The following FGF2 variants were observed in gnomAD, a reference collection of about 807,000 sequenced individuals.
The protein encoded by FGF2 is fibroblast growth factor 2, also known as basic fibroblast growth factor bFGF.
A neutral mutation model predicts 15.9 loss-of-function variants in FGF2; 13 were observed. The ratio of observed to expected loss-of-function variants is 0.82; its 90% CI spans 0.53 to 1.30. The LOEUF (loss-of-function observed/expected upper bound fraction) is 1.30. Among genes scored for constraint, FGF2 ranks in the 50% most tolerant of loss-of-function variants. The pLI is 0.00. For synonymous variants in FGF2, 90 were observed against 78.4 expected, an observed-to-expected ratio of 1.15 and a Z score of -0.78; for missense variants, 163 against 196.9, an observed-to-expected ratio of 0.83 and a Z score of 1.03.
At chr4:122,841,953 A>C (rs1194342268) in intron 1 of FGF2, among the ~76,000 whole-genome samples, 1 of 152,106 alleles carries the variant, frequency 6.6e-6, no homozygotes, top group African/African-American at 2.4e-5. Flanking sequence ...TCCTCACTTA[A>C]ATTATTTTTG....
In FGF2 at chr4:122,862,308, G is replaced by T. The variant is rs117648266; in HGVS notation, c.179-14013G>T. Among the ~76,000 whole-genome samples, 276 of 152,298 alleles carry T rather than the reference G, an allele frequency of 1.8e-3. 9 individuals carry two copies. In the East Asian group the frequency reaches 0.05, roughly 28 times the overall value. ...ATTTCTAAATAGGGAAGGTGTACTG[G>T]ATGATCCCTTACACTGCTGATAAAT... On this transcript the variant is annotated intron_variant, in intron 1 of 2. Coordinates refer to ENST00000644866, the MANE Select transcript of FGF2 (RefSeq NM_001361665.2).
intron 1 of FGF2, among the ~76,000 whole-genome samples, chr4:122,869,142 G>T (rs1336300673): frequency 6.6e-6 from 1 of 151,944 alleles, no homozygotes; most frequent in East Asian, 1.9e-4. Context: ...GTCAGTTTTG[G>T]CTTTTGTTGC....
intron 2 of FGF2, among the ~76,000 whole-genome samples, chr4:122,881,576 G>T (rs115027488): frequency 6.6e-6 from 1 of 152,196 alleles, no homozygotes; most frequent in African/African-American, 2.4e-5. Context: ...CCTTTGCTCA[G>T]TTCCCAACAA....
chr4:122,866,185 C>G (rs1365842194), intron 1 of FGF2, among the ~76,000 whole-genome samples: 1 of 151,862 alleles, frequency 6.6e-6, no homozygotes, highest in Non-Finnish European at 1.5e-5. Flanking sequence ...CTGGCTAACA[C>G]ATGAAACCCC....
chr4:122,832,419 A>G (rs1725783734), intron 1 of FGF2, among the ~76,000 whole-genome samples: 1 of 146,092 alleles, frequency 6.8e-6, no homozygotes, highest in South Asian at 2.2e-4. Flanking sequence ...TAATTTTTGC[A>G]TTTTTAGTAG....
chr4:122,883,145 A>G (rs1356531334), intron 2 of FGF2: 2 of 152,156 alleles, frequency 1.3e-5, no homozygotes, highest in African/African-American at 2.4e-5. Context: ...TTTTCAGACT[A>G]CTGTGTTATG....
chr4:122,860,999 G>A (rs965821741), intron 1 of FGF2, among the ~76,000 whole-genome samples: 8 of 152,198 alleles, frequency 5.3e-5, no homozygotes, highest in Non-Finnish European at 8.8e-5. Flanking sequence ...TTGTGTGTGT[G>A]TAGGTATTAG....
At chr4:122,834,260 A>T (rs1460181512) in intron 1 of FGF2, among the ~76,000 whole-genome samples, 3 of 152,168 alleles carry the variant, frequency 2.0e-5, no homozygotes, top group Non-Finnish European at 4.4e-5. Flanking sequence ...GGCCATTTGG[A>T]GGTTCTCCAG....
At chr4:122,883,663 A>G (rs923569378) in intron 2 of FGF2, among the ~76,000 whole-genome samples, 3 of 152,208 alleles carry the variant, frequency 2.0e-5, no homozygotes, top group Non-Finnish European at 4.4e-5. Flanking sequence ...AGTGAAGTTA[A>G]TTGTAGTTTT....
At chr4:122,871,450 A>G (rs150985876) in intron 1 of FGF2, among the ~76,000 whole-genome samples, 6 of 152,112 alleles carry the variant, frequency 3.9e-5, no homozygotes, top group Admixed American at 3.9e-4. Context: ...ATAGGAGTCT[A>G]AGTCTCTTTG....
At chr4:122,864,569 A>G (rs1362077040) in intron 1 of FGF2, among the ~76,000 whole-genome samples, 1 of 152,220 alleles carries the variant, frequency 6.6e-6, no homozygotes, top group African/African-American at 2.4e-5. Context: ...CAGAAGTTGA[A>G]CAAGGTTCAC....
At chr4:122,887,584 GT>G (rs1727084775) in intron 2 of FGF2, among the ~76,000 whole-genome samples, 1 of 152,184 alleles carries the variant, frequency 6.6e-6, no homozygotes. Flanking sequence ...TTTTAAAAGT[GT>G]TGATTATGCT....
At chr4:122,843,353 A>G (rs308428) in intron 1 of FGF2, among the ~76,000 whole-genome samples, 39,031 of 152,166 alleles carry the variant, frequency 0.26, 6,980 homozygotes, top group African/African-American at 0.5. Context: ...AAGAAGTAAG[A>G]CCTGCTAGCT....
intron 1 of FGF2, among the ~76,000 whole-genome samples, chr4:122,835,811 ACCTTCC>A (rs2150763189): frequency 6.6e-6 from 1 of 152,042 alleles, no homozygotes; most frequent in African/African-American, 2.4e-5. Flanking sequence ...TACCATCCAT[ACCTTCC>A]TGAAGCTGTA....
Position 122,895,636 on chromosome 4 carries a change from A to G in FGF2, c.*3240A>G, listed in dbSNP as rs1440179009. 1 of 152,172 alleles carries G rather than the reference A, an allele frequency of 6.6e-6. No homozygotes were observed. Among genetic ancestry groups the G allele is most frequent in the Non-Finnish European group, 1.5e-5 (1 of 68,024 alleles). 9.4% of individuals were successfully genotyped at this position (152,172 alleles called of 1,614,324 possible). ...GTTTGTCAATTTTAATCTTGTGGAT[A>G]CCTTTATACTCTTAGGGTATTATTT... is the stretch of plus-strand genomic sequence containing the variant. On this transcript the variant is annotated 3_prime_UTR_variant, in exon 3 of 3. Transcript: ENST00000644866.
intron 1 of FGF2, among the ~76,000 whole-genome samples, chr4:122,851,836 G>GT (rs1726238189): frequency 6.6e-6 from 1 of 152,056 alleles, no homozygotes; most frequent in African/African-American, 2.4e-5. Context: ...GTAGACTTGG[G>GT]TTTATGTCTC....
At chr4:122,850,584 A>T (rs572400126) in intron 1 of FGF2, among the ~76,000 whole-genome samples, 229 of 152,298 alleles carry the variant, frequency 1.5e-3, no homozygotes, top group Non-Finnish European at 2.4e-3. Flanking sequence ...AGGATAAGGG[A>T]AGTAGAAAGT....
At chr4:122,849,455 G>GT (rs1237812155) in intron 1 of FGF2, among the ~76,000 whole-genome samples, 1 of 152,062 alleles carries the variant, frequency 6.6e-6, no homozygotes, top group Non-Finnish European at 1.5e-5. Context: ...CTGTCAGGGG[G>GT]TGGGGGGCTA....
In FGF2 at chr4:122,827,674, C is replaced by T. The variant is rs1725673475; in HGVS notation, c.178+322C>T. ...GGACAACCTGTCGCGTCGGGGATGCCCGCGGCCCCGCCATGCAGCTCTGGC... is the reference window on the plus strand; with the variant it reads ...GGACAACCTGTCGCGTCGGGGATGCTCGCGGCCCCGCCATGCAGCTCTGGC... On this transcript the variant is annotated intron_variant, in intron 1 of 2. Coordinates refer to ENST00000644866, the MANE Select transcript of FGF2 (RefSeq NM_001361665.2). This position sits in a 1 kb window ranked among gnomAD's most constrained non-coding sequence, Gnocchi z 4.2. Among the ~76,000 whole-genome samples the T allele has an allele frequency of 6.6e-6, 1 of 152,170 alleles. No homozygotes were observed. Among genetic ancestry groups the T allele is most frequent in the Non-Finnish European group, 1.5e-5 (1 of 68,026 alleles).
Sources: allele counts gnomAD v4.1 joint callset (sites outside exome capture counted in the v4.1 genomes callset), GRCh38; gene constraint gnomAD v4.1.1; non-coding constraint Gnocchi (gnomAD v3.1); transcripts MANE v1.5; gene names NCBI Gene and HGNC (gene_info 2026-07-23, HGNC 2026-07-21).